Variants in LRRC3B observed in about 807,000 individuals in gnomAD.
LRRC3B encodes leucine-rich repeat-containing protein 3B.
A neutral mutation model predicts 12.8 loss-of-function variants in LRRC3B; 2 were observed. That is an observed-to-expected ratio of 0.16 (90% confidence interval 0.06 to 0.49). The LOEUF is 0.49. Among genes scored for constraint, LRRC3B ranks in the 20% least tolerant of loss-of-function variants. The pLI is 0.96. For synonymous variants in LRRC3B, 132 were observed against 122.0 expected (o/e 1.08, Z -0.54); for missense variants, 189 against 319.4 (o/e 0.59, Z 3.11).
Position 26,652,382 on chromosome 3 carries a change from G to C in LRRC3B, c.-161+29145G>C, listed in dbSNP as rs372575505. Among the ~76,000 whole-genome samples the C allele has an allele frequency of 2.4e-4, 36 of 152,326 alleles. No individual in the cohort carries two copies. The East Asian group carries it at 6.8e-3, about 29-fold the overall frequency. On this transcript the variant is annotated intron_variant, in intron 1 of 1. Transcript: ENST00000396641. ...GCACCTGTTCCTGCCAGCATATGCT[G>C]CCGGGAAGTGTTAGATGTCACTGCA...
chr3:26,622,804 CT>C (rs1189185575), upstream of LRRC3B: 3 of 152,370 alleles, frequency 2.0e-5, no homozygotes, highest in Non-Finnish European at 4.4e-5. Context: ...CGATTTCCCT[CT>C]ATTGACTGAG....
chr3:26,660,308 TTATTC>T (rs1290559877), intron 1 of LRRC3B, among the ~76,000 whole-genome samples: 2 of 152,194 alleles, frequency 1.3e-5, no homozygotes, highest in Non-Finnish European at 1.5e-5. Context: ...AGCCAGAACT[TTATTC>T]TATTTCATTT....
At chr3:26,684,744 T>A (rs1179750198) in intron 1 of LRRC3B, among the ~76,000 whole-genome samples, 1 of 152,176 alleles carries the variant, frequency 6.6e-6, no homozygotes, top group African/African-American at 2.4e-5. Context: ...ATACTGTGGA[T>A]AGCAGTTAAA....
intron 1 of LRRC3B, among the ~76,000 whole-genome samples, chr3:26,658,337 C>T (rs1450498968): frequency 3.3e-5 from 5 of 152,188 alleles, no homozygotes; most frequent in Non-Finnish European, 5.9e-5. Flanking sequence ...GGATTATAGG[C>T]GTGAGCCACC....
intron 1 of LRRC3B, among the ~76,000 whole-genome samples, chr3:26,706,802 C>T (rs1700600440): frequency 6.6e-6 from 1 of 152,134 alleles, no homozygotes; most frequent in South Asian, 2.1e-4. Flanking sequence ...TATGACTTTT[C>T]CAAAGTCCAC....
chr3:26,688,914 C>T (rs1001871833), intron 1 of LRRC3B, among the ~76,000 whole-genome samples: 1 of 152,158 alleles, frequency 6.6e-6, no homozygotes, highest in African/African-American at 2.4e-5. Context: ...AATTGTTGGT[C>T]ACTTGTAAAC....
At chr3:26,669,663 T>C (rs529337329) in intron 1 of LRRC3B, among the ~76,000 whole-genome samples, 1 of 152,318 alleles carries the variant, frequency 6.6e-6, no homozygotes, top group South Asian at 2.1e-4. Context: ...ATAAAAGAGG[T>C]TTCCTATTTG....
intron 1 of LRRC3B, among the ~76,000 whole-genome samples, chr3:26,706,516 G>A (rs1038110609): frequency 6.6e-6 from 1 of 152,172 alleles, no homozygotes; most frequent in South Asian, 2.1e-4. Context: ...GGCGTGCTCT[G>A]TATTTGTACT....
chr3:26,646,740 G>GT (rs1175091041), intron 1 of LRRC3B, among the ~76,000 whole-genome samples: 1 of 149,744 alleles, frequency 6.7e-6, no homozygotes, highest in Non-Finnish European at 1.5e-5. Flanking sequence ...AAATATTAAT[G>GT]TTTTTTCTAT....
chr3:26,629,441 C>T (rs1394340791), intron 1 of LRRC3B, among the ~76,000 whole-genome samples: 4 of 152,200 alleles, frequency 2.6e-5, no homozygotes, highest in African/African-American at 9.6e-5. Context: ...ATGGCTTTCC[C>T]CTGAGTCTTC....
At chr3:26,647,954 A>G (rs1699187136) in intron 1 of LRRC3B, among the ~76,000 whole-genome samples, 1 of 152,176 alleles carries the variant, frequency 6.6e-6, no homozygotes, top group Non-Finnish European at 1.5e-5. Context: ...GCAGAAATCT[A>G]TGCAGAGGAG....
intron 1 of LRRC3B, among the ~76,000 whole-genome samples, chr3:26,635,373 T>C (rs1017250027): frequency 1.5e-4 from 23 of 152,166 alleles, no homozygotes; most frequent in African/African-American, 5.6e-4. Flanking sequence ...ACCCCCAATG[T>C]GATGGTATTT....
At chr3:26,686,897 T>C (rs1700099565) in intron 1 of LRRC3B, among the ~76,000 whole-genome samples, 2 of 152,204 alleles carry the variant, frequency 1.3e-5, no homozygotes, top group Admixed American at 1.3e-4. Flanking sequence ...CTGAGGGAGC[T>C]AGACCTTCAT....
intron 1 of LRRC3B, among the ~76,000 whole-genome samples, chr3:26,656,251 G>A (rs760581296): frequency 7.9e-5 from 12 of 152,136 alleles, no homozygotes; most frequent in Non-Finnish European, 1.0e-4. Context: ...AGCGAAGATC[G>A]TCTAATCACT....
At chr3:26,633,690 G>A (rs1275204279) in intron 1 of LRRC3B, among the ~76,000 whole-genome samples, 1 of 152,154 alleles carries the variant, frequency 6.6e-6, no homozygotes, top group Non-Finnish European at 1.5e-5. Flanking sequence ...AATATCCCAG[G>A]AGGAGGGAAA....
intron 1 of LRRC3B, among the ~76,000 whole-genome samples, chr3:26,644,704 A>C (rs986267170): frequency 2.0e-5 from 3 of 152,222 alleles, no homozygotes; most frequent in Middle Eastern, 3.2e-3. Context: ...AGGAAATTTG[A>C]AAACCCACTG....
chr3:26,693,469 G>A (rs1287750236), intron 1 of LRRC3B, among the ~76,000 whole-genome samples: 1 of 151,780 alleles, frequency 6.6e-6, no homozygotes, highest in Non-Finnish European at 1.5e-5. Context: ...CTAGACTAAA[G>A]AATGGGAAAA....
At chr3:26,701,115 A>C (rs1700442411) in intron 1 of LRRC3B, 1 of 152,126 alleles carries the variant, frequency 6.6e-6, no homozygotes, top group South Asian at 2.1e-4. Flanking sequence ...CAGTTAATTT[A>C]AACCAAAATA....
chr3:26,693,354 A>C (rs1000696609), intron 1 of LRRC3B, among the ~76,000 whole-genome samples: 3 of 146,454 alleles, frequency 2.0e-5, no homozygotes, highest in African/African-American at 7.5e-5. Context: ...AAAAAAAAAG[A>C]TCAAGAGCAG....
Sources: gnomAD v4.1 joint callset for allele counts (sites outside exome capture counted in the v4.1 genomes callset) on GRCh38, gnomAD v4.1.1 for gene constraint, MANE v1.5 for transcripts, NCBI Gene and HGNC (gene_info 2026-07-23, HGNC 2026-07-21) for gene names.